Variants in NT5C3A observed in about 807,000 individuals in gnomAD.
The protein encoded by NT5C3A is cytosolic 5'-nucleotidase 3A.
NT5C3A carries 23 observed loss-of-function variants against 40.0 expected under a neutral mutation model. That is an observed-to-expected ratio of 0.58 (90% CI 0.41 to 0.81). The LOEUF (loss-of-function observed/expected upper bound fraction) is 0.81. NT5C3A is among the 40% of genes least tolerant of loss of function. The pLI is 0.00. For missense variants in NT5C3A, 328 were observed against 403.0 expected (o/e 0.81, Z 1.59); for synonymous variants, 130 against 141.4 (o/e 0.92, Z 0.57).
At chr7:33,021,690 T>C in intron 4 of NT5C3A, 1 of 402,648 alleles carries the variant, frequency 2.5e-6, no homozygotes, top group South Asian at 2.7e-5. Flanking sequence ...GACACATACA[T>C]ACTCAAGCGA....
chr7:33,049,969 CAAAAAAAAAAA>C (rs61035673), intron 1 of NT5C3A, among the ~76,000 whole-genome samples: 4 of 58,462 alleles, frequency 6.8e-5, no homozygotes, highest in Non-Finnish European at 1.1e-4. Context: ...GACTCCATCT[CAAAAAAAAAAA>C]AAAAAAAAAA....
chr7:33,053,418 C>G (rs1333200335), intron 1 of NT5C3A, among the ~76,000 whole-genome samples: 2 of 152,100 alleles, frequency 1.3e-5, no homozygotes, highest in Non-Finnish European at 2.9e-5. Context: ...GAACTCCTGA[C>G]CTCAAGATCT....
chr7:33,026,765 A>G, intron 2 of NT5C3A, 52 bp downstream of exon 2: 1 of 1,265,442 alleles, frequency 7.9e-7, no homozygotes, highest in Admixed American at 1.7e-5. Context: ...AAGTGCTGGA[A>G]TTACAGGCAT....
At chr7:33,059,594 T>C (rs1264009834) in intron 1 of NT5C3A, among the ~76,000 whole-genome samples, 1 of 152,250 alleles carries the variant, frequency 6.6e-6, no homozygotes, top group African/African-American at 2.4e-5. Flanking sequence ...TGTTATCTCA[T>C]TTAATCTTCA....
chr7:33,027,215 C>A (rs540073430), intron 1 of NT5C3A, among the ~76,000 whole-genome samples: 21 of 152,232 alleles, frequency 1.4e-4, no homozygotes, highest in African/African-American at 5.1e-4. Flanking sequence ...AAGGCATGCG[C>A]CATCATACCC....
intron 1 of NT5C3A, among the ~76,000 whole-genome samples, chr7:33,042,585 T>G (rs1402834805): frequency 6.6e-6 from 1 of 152,206 alleles, no homozygotes; most frequent in East Asian, 1.9e-4. Context: ...TTTAATATTA[T>G]TAGAGTTGAC....
At chr7:33,022,516 AAAG>A (rs1433485946) in intron 3 of NT5C3A, among the ~76,000 whole-genome samples, 2 of 152,252 alleles carry the variant, frequency 1.3e-5, no homozygotes, top group Non-Finnish European at 2.9e-5. Context: ...AGACCACTGT[AAAG>A]AAGAAAACAA....
chr7:33,029,978 T>G (rs1251360100), intron 1 of NT5C3A, among the ~76,000 whole-genome samples: 2 of 152,092 alleles, frequency 1.3e-5, no homozygotes, highest in South Asian at 4.1e-4. Context: ...TCATAAGTAG[T>G]GAATACACAA....
At chr7:33,041,271 A>G (rs1562599421) in intron 1 of NT5C3A, 1 of 335,900 alleles carries the variant, frequency 3.0e-6, no homozygotes, top group African/African-American at 2.2e-5. Context: ...TTCTATTTTA[A>G]TACAAAGTTA....
At chr7:33,039,149 G>C (rs1167930321) in intron 1 of NT5C3A, among the ~76,000 whole-genome samples, 3 of 152,014 alleles carry the variant, frequency 2.0e-5, no homozygotes, top group African/African-American at 7.2e-5. Flanking sequence ...GAAAACTTTA[G>C]TTATCACAGT....
chr7:33,024,413 G>A (rs1785803812), intron 2 of NT5C3A, among the ~76,000 whole-genome samples: 1 of 152,176 alleles, frequency 6.6e-6, no homozygotes, highest in South Asian at 2.1e-4. Flanking sequence ...CAACATGGGC[G>A]AGCCTGGAGG....
intron 1 of NT5C3A, among the ~76,000 whole-genome samples, chr7:33,049,018 T>C (rs1310874329): frequency 6.6e-6 from 1 of 152,230 alleles, no homozygotes; most frequent in Non-Finnish European, 1.5e-5. Context: ...CAATATGTAT[T>C]GAATAACTAC....
At chr7:33,043,119 C>T (rs7796184) in intron 1 of NT5C3A, among the ~76,000 whole-genome samples, 127,760 of 152,190 alleles carry the variant, frequency 0.84, 54,130 homozygotes, top group African/African-American at 0.96. Flanking sequence ...ACTTGATAAG[C>T]GGCAGAAATG....
At chr7:33,043,114 A>G (rs1314099314) in intron 1 of NT5C3A, among the ~76,000 whole-genome samples, 10 of 152,194 alleles carry the variant, frequency 6.6e-5, no homozygotes, top group Non-Finnish European at 1.2e-4. Context: ...CTTATACTTG[A>G]TAAGCGGCAG....
chr7:33,035,189 GTTTTTT>G (rs35769309), intron 1 of NT5C3A, among the ~76,000 whole-genome samples: 1 of 106,204 alleles, frequency 9.4e-6, no homozygotes, highest in Admixed American at 1.2e-4. Context: ...TAAGGAATGA[GTTTTTT>G]TTTTTTTTTT....
intron 2 of NT5C3A, among the ~76,000 whole-genome samples, chr7:33,024,897 T>A (rs1785835104): frequency 6.6e-6 from 1 of 152,112 alleles, no homozygotes; most frequent in South Asian, 2.1e-4. Flanking sequence ...CCCAGCACTT[T>A]GGGAGGCCGA....
chr7:33,033,897 T>TATAA (rs1173988823), intron 1 of NT5C3A, among the ~76,000 whole-genome samples: 4 of 53,190 alleles, frequency 7.5e-5, no homozygotes, highest in African/African-American at 2.7e-4. Flanking sequence ...TATATATAAT[T>TATAA]TTTTTTTTTT....
At chr7:33,019,250 T>G (rs1366271920) in intron 6 of NT5C3A, among the ~76,000 whole-genome samples, 1 of 138,444 alleles carries the variant, frequency 7.2e-6, no homozygotes, top group East Asian at 1.9e-4. Flanking sequence ...AGAGAGACCC[T>G]GTCTTTAAAA....
At chr7:33,029,267 C>A in intron 1 of NT5C3A, 1 of 170,110 alleles carries the variant, frequency 5.9e-6, no homozygotes, top group South Asian at 1.4e-4. Flanking sequence ...ATACATTAAC[C>A]CATTCACTCG....
Sources: gnomAD v4.1 joint callset for allele counts (sites outside exome capture counted in the v4.1 genomes callset) on GRCh38, gnomAD v4.1.1 for gene constraint, MANE v1.5 for transcripts, NCBI Gene and HGNC (gene_info 2026-07-23, HGNC 2026-07-21) for gene names.